Variants in RPP30 observed in about 807,000 individuals in gnomAD.
The protein encoded by RPP30 is ribonuclease P/MRP subunit p30.
In RPP30, 36 loss-of-function variants were observed where a neutral mutation model predicts 38.6. That is an observed-to-expected ratio of 0.93 (90% CI 0.71 to 1.23). RPP30 has a LOEUF of 1.23. Among genes scored for constraint, RPP30 ranks in the 50% most tolerant of loss-of-function variants. The pLI, the probability that RPP30 is intolerant of heterozygous loss-of-function variation, is 0.00. For synonymous variants in RPP30, 126 were observed against 112.7 expected (o/e 1.12, Z -0.75); for missense variants, 321 against 321.7 (o/e 1.00, Z 0.02).
rs555132495 is a variant in RPP30, at chr10:90,872,017, G to A, written c.31G>A (p.Ala11Thr). Residue 11 changes from alanine to threonine, a missense_variant, in exon 1 of 11, where the codon GCG (alanine) becomes ACG (threonine). By Grantham distance (58) the Ala-to-Thr change is moderately conservative (BLOSUM62 0). Coordinates refer to ENST00000371703, the MANE Select transcript of RPP30 (RefSeq NM_006413.5). ...GGTGTTTGCAGATTTGGACCTGCGAGCGGGTTCTGACCTGAAGGCTCTGCG... is the reference window on the plus strand; with the variant it reads ...GGTGTTTGCAGATTTGGACCTGCGAACGGGTTCTGACCTGAAGGCTCTGCG... MAVFADLDLR[A>T]GSDLKALRGL... The A allele has an allele frequency of 1.2e-4, 201 of 1,614,186 alleles. 4 individuals are homozygous for A. In the South Asian group the frequency reaches 1.9e-3, roughly 15 times the overall value.
intron 9 of RPP30, 94 bp downstream of exon 9, chr10:90,896,011 CT>C: frequency 1.1e-6 from 1 of 948,100 alleles, no homozygotes; most frequent in South Asian, 1.6e-5. Context: ...TTTTCTCAAC[CT>C]TTTACTGTAA....
intron 10 of RPP30, among the ~76,000 whole-genome samples, chr10:90,899,188 C>G (rs1346015235): frequency 2.0e-5 from 3 of 152,112 alleles, no homozygotes; most frequent in African/African-American, 4.8e-5. Context: ...AAATTAATAG[C>G]TATAAGTGTG....
intron 5 of RPP30, among the ~76,000 whole-genome samples, chr10:90,883,289 C>CAAAA (rs35852982): frequency 8.4e-6 from 1 of 119,336 alleles, no homozygotes. Flanking sequence ...AGTCTCTGGC[C>CAAAA]AAAAAAAAAA....
chr10:90,896,878 C>G (rs1847144674), intron 10 of RPP30, among the ~76,000 whole-genome samples: 1 of 152,056 alleles, frequency 6.6e-6, no homozygotes, highest in Non-Finnish European at 1.5e-5. Context: ...CTCATGTTTG[C>G]TTACATGGTC....
intron 1 of RPP30, among the ~76,000 whole-genome samples, chr10:90,873,995 T>C (rs1846817805): frequency 6.6e-6 from 1 of 152,210 alleles, no homozygotes; most frequent in Non-Finnish European, 1.5e-5. Flanking sequence ...GTAAATTTCT[T>C]GTGGAGAAGG....
At chr10:90,872,565 G>A (rs760770973) in intron 1 of RPP30, among the ~76,000 whole-genome samples, 2 of 152,122 alleles carry the variant, frequency 1.3e-5, no homozygotes, top group Non-Finnish European at 2.9e-5. Context: ...CATACACAGC[G>A]GAGTGGAGGT....
At chr10:90,879,931 G>A (rs145377399) in intron 5 of RPP30, 3 of 152,208 alleles carry the variant, frequency 2.0e-5, no homozygotes, top group African/African-American at 7.2e-5. Context: ...TATAAAATGA[G>A]GTATAGCTAC....
chr10:90,890,902 T>C (rs895318628), intron 6 of RPP30, among the ~76,000 whole-genome samples: 2 of 151,962 alleles, frequency 1.3e-5, no homozygotes, highest in African/African-American at 2.4e-5. Context: ...AAACAGGCCT[T>C]AGACATATGA....
At chr10:90,891,335 T>C (rs1847079371) in intron 6 of RPP30, among the ~76,000 whole-genome samples, 1 of 152,222 alleles carries the variant, frequency 6.6e-6, no homozygotes, top group Non-Finnish European at 1.5e-5. Context: ...TGTCTCTATG[T>C]CTTCACATGG....
chr10:90,895,833 G>C (rs1455533014), intron 8 of RPP30, 47 bp from the exon 9 acceptor site: 3 of 1,349,992 alleles, frequency 2.2e-6, no homozygotes, highest in Non-Finnish European at 3.1e-6. Flanking sequence ...TCATTGAAAT[G>C]TTATAAATAA....
At position 90,902,105 on chromosome 10, in the gene RPP30, TAC is replaced by T. The variant is rs1847210886; in HGVS notation, c.*1428_*1429del. The T allele has an allele frequency of 8.1e-6, 8 of 989,142 alleles. No homozygotes were observed. Among genetic ancestry groups the T allele is most frequent in the Non-Finnish European group, 9.6e-6 (8 of 831,996 alleles). The allele number at this position is 989,142 out of a possible 1,614,324, so 61.3% of individuals were successfully genotyped here. On this transcript the variant is annotated 3_prime_UTR_variant, in exon 11 of 11. Transcript: ENST00000371703. The stretch of plus-strand genomic sequence containing the variant: ...AGCCACTGCGCCCGGCCCGAGAAAA[TAC>T]AGTTTTAAAAAGAGAAAGCTTTATA...
downstream of RPP30, among the ~76,000 whole-genome samples, chr10:90,902,605 CAGAA>C (rs1488638052): frequency 2.6e-5 from 4 of 151,982 alleles, no homozygotes; most frequent in African/African-American, 7.3e-5. Context: ...TAATAGATGC[CAGAA>C]AGACATTTAA....
chr10:90,883,684 G>A (rs1846961849), intron 5 of RPP30, among the ~76,000 whole-genome samples: 1 of 152,154 alleles, frequency 6.6e-6, no homozygotes, highest in Non-Finnish European at 1.5e-5. Flanking sequence ...AGGGAAGAAA[G>A]GAACAATGTG....
intron 6 of RPP30, among the ~76,000 whole-genome samples, chr10:90,889,015 T>TAGGG (rs1847039081): frequency 6.6e-6 from 1 of 152,176 alleles, no homozygotes; most frequent in Non-Finnish European, 1.5e-5. Flanking sequence ...GAAGAGTCCC[T>TAGGG]GTTAATTTAT....
chr10:90,879,414 T>C (rs1846895013), intron 5 of RPP30, among the ~76,000 whole-genome samples: 1 of 152,246 alleles, frequency 6.6e-6, no homozygotes, highest in Non-Finnish European at 1.5e-5. Context: ...TCAAAACTTC[T>C]CTTAGCTAAG....
intron 5 of RPP30, among the ~76,000 whole-genome samples, chr10:90,884,436 A>G (rs1846973391): frequency 6.6e-6 from 1 of 152,196 alleles, no homozygotes; most frequent in Admixed American, 6.5e-5. Context: ...CTTTGCCAGT[A>G]TGATCGATAA....
chr10:90,881,006 A>G (rs1461476072), intron 5 of RPP30, among the ~76,000 whole-genome samples: 1 of 152,238 alleles, frequency 6.6e-6, no homozygotes, highest in Non-Finnish European at 1.5e-5. Flanking sequence ...CAAAACCAAC[A>G]GCAACTTAGT....
chr10:90,879,207 A>G (rs1846891963), intron 5 of RPP30, 73 bp downstream of exon 5: 1 of 1,234,720 alleles, frequency 8.1e-7, no homozygotes, highest in East Asian at 2.4e-5. Flanking sequence ...GACTTTGTAG[A>G]TGACCTGTTT....
At chr10:90,888,816 A>C (rs1422655895) in intron 6 of RPP30, among the ~76,000 whole-genome samples, 1 of 152,190 alleles carries the variant, frequency 6.6e-6, no homozygotes, top group Non-Finnish European at 1.5e-5. Context: ...GAAAAGTAAA[A>C]AATTCTGTCA....
Sources: allele counts gnomAD v4.1 joint callset (sites outside exome capture counted in the v4.1 genomes callset), GRCh38; gene constraint gnomAD v4.1.1; transcripts MANE v1.5; gene names NCBI Gene and HGNC (gene_info 2026-07-23, HGNC 2026-07-21).